TTC1: variants seen among roughly 807,000 people sequenced by gnomAD.
The protein encoded by TTC1 is tetratricopeptide repeat domain 1, also known as tetratricopeptide repeat protein 1.
TTC1 carries 31 observed loss-of-function variants against 37.6 expected under a neutral mutation model. That is an observed-to-expected ratio of 0.82 (90% CI 0.62 to 1.11). The LOEUF (loss-of-function observed/expected upper bound fraction) is 1.11. Ranked by LOEUF, TTC1 falls within the 50% of genes most tolerant of loss-of-function variation. The pLI, the probability that TTC1 is intolerant of heterozygous loss-of-function variation, is 0.00. For synonymous variants in TTC1, 127 were observed against 122.4 expected (o/e 1.04, Z -0.25); for missense variants, 351 against 339.0 (o/e 1.04, Z -0.28).
chr5:160,054,765 T>C (rs771725248), intron 7 of TTC1, among the ~76,000 whole-genome samples: 3 of 152,224 alleles, frequency 2.0e-5, no homozygotes, highest in Non-Finnish European at 4.4e-5. Flanking sequence ...TCAGGTTTCA[T>C]ATGGCAGACA....
At chr5:160,034,494 C>G (rs1756969958) in intron 2 of TTC1, among the ~76,000 whole-genome samples, 1 of 152,114 alleles carries the variant, frequency 6.6e-6, no homozygotes, top group African/African-American at 2.4e-5. Context: ...TGGCTTGTAC[C>G]CACAAATGTG....
intron 2 of TTC1, among the ~76,000 whole-genome samples, chr5:160,013,657 C>T (rs988255601): frequency 9.9e-5 from 15 of 151,056 alleles, no homozygotes; most frequent in Non-Finnish European, 1.9e-4. Flanking sequence ...GCAGGAGAAT[C>T]GCTTGAACCT....
chr5:160,027,650 A>C (rs988844823), intron 2 of TTC1, among the ~76,000 whole-genome samples: 1 of 152,196 alleles, frequency 6.6e-6, no homozygotes, highest in South Asian at 2.1e-4. Context: ...TATATTTGTG[A>C]GGCAGGTTTC....
chr5:160,015,020 G>A (rs1431934586), intron 2 of TTC1, among the ~76,000 whole-genome samples: 1 of 152,082 alleles, frequency 6.6e-6, no homozygotes, highest in Non-Finnish European at 1.5e-5. Flanking sequence ...TACCCCTTTT[G>A]ATAACACCTG....
chr5:160,009,472 A>T lies in TTC1; in HGVS notation c.-30+279A>T, dbSNP rs188632266. Among the ~76,000 whole-genome samples, 860 of 152,230 alleles carry T rather than the reference A, an allele frequency of 5.6e-3. 6 individuals carry two copies. The highest frequency in any genetic ancestry group is 8.9e-3 in the Non-Finnish European group (603 of 68,026). On this transcript the variant is annotated intron_variant, in intron 1 of 7. Coordinates refer to ENST00000231238, the MANE Select transcript of TTC1 (RefSeq NM_003314.3). ...GTTGGCGTGATTTTGCTGCGACTAG[A>T]GCAATTTACGTTCTTGCAAATCTGT... is the stretch of plus-strand genomic sequence containing the variant.
At chr5:160,013,041 T>C (rs1756528251) in intron 2 of TTC1, among the ~76,000 whole-genome samples, 1 of 152,226 alleles carries the variant, frequency 6.6e-6, no homozygotes. Flanking sequence ...TATTTTCTAT[T>C]CATTTATATA....
intron 4 of TTC1, 95 bp from the exon 5 acceptor site, chr5:160,043,038 A>G (rs1757128227): frequency 7.9e-7 from 1 of 1,268,890 alleles, no homozygotes; most frequent in Non-Finnish European, 1.1e-6. Context: ...CTGTATCTCC[A>G]TAAGCAGTTA....
chr5:160,029,202 T>TA (rs1756862824), intron 2 of TTC1, among the ~76,000 whole-genome samples: 2 of 152,304 alleles, frequency 1.3e-5, no homozygotes, highest in East Asian at 1.9e-4. Context: ...TTGTATGTGT[T>TA]CTTTTGACTC....
intron 4 of TTC1, among the ~76,000 whole-genome samples, chr5:160,042,204 A>G (rs1270682069): frequency 6.6e-6 from 1 of 152,252 alleles, no homozygotes; most frequent in African/African-American, 2.4e-5. Flanking sequence ...TGCTGGGATT[A>G]CAGGCATGAG....
intron 2 of TTC1, among the ~76,000 whole-genome samples, chr5:160,012,365 A>T (rs1358848590): frequency 6.6e-6 from 1 of 150,978 alleles, no homozygotes; most frequent in Admixed American, 6.6e-5. Flanking sequence ...AAATACTTTT[A>T]TGATTTTTTT....
chr5:160,061,341 T>C (rs1753389991), intron 7 of TTC1, among the ~76,000 whole-genome samples: 1 of 152,244 alleles, frequency 6.6e-6, no homozygotes, highest in Admixed American at 6.5e-5. Flanking sequence ...AAAGGAATCT[T>C]CCCCTTCCTG....
At chr5:160,045,502 ACACACACACACATACACACTCT>A (rs1757201029) in intron 5 of TTC1, among the ~76,000 whole-genome samples, 3 of 99,232 alleles carry the variant, frequency 3.0e-5, no homozygotes, top group Admixed American at 1.4e-4. Flanking sequence ...ACACACACAC[ACACACACACACATACACACTCT>A]CTCTCTCTCT....
chr5:160,039,092 C>T (rs1301578199), intron 4 of TTC1: 1 of 152,156 alleles, frequency 6.6e-6, no homozygotes, highest in Non-Finnish European at 1.5e-5. Flanking sequence ...GGTTTAACTG[C>T]TTTAAGAGGT....
chr5:160,011,364 A>G (rs559888493), intron 2 of TTC1, among the ~76,000 whole-genome samples: 14 of 152,280 alleles, frequency 9.2e-5, no homozygotes, highest in South Asian at 8.3e-4. Context: ...ATAGCTAGCT[A>G]TCCTTTGTTG....
chr5:160,023,705 T>C, intron 2 of TTC1: 1 of 1,573,292 alleles, frequency 6.4e-7, no homozygotes. Context: ...ATGTCACATG[T>C]TGCCTAATCT....
chr5:160,047,536 G>A (rs1475380801), intron 5 of TTC1, among the ~76,000 whole-genome samples: 1 of 152,150 alleles, frequency 6.6e-6, no homozygotes, highest in Non-Finnish European at 1.5e-5. Flanking sequence ...ACAGCTTTCA[G>A]TCTTGCCCCA....
intron 2 of TTC1, chr5:160,024,033 A>G: frequency 7.4e-7 from 1 of 1,344,536 alleles, no homozygotes; most frequent in African/African-American, 1.4e-5. Context: ...CACTTCTTGC[A>G]GGTAGTGTTC....
chr5:160,045,454 C>CACA (rs1757191406), intron 5 of TTC1, among the ~76,000 whole-genome samples: 5 of 38,874 alleles, frequency 1.3e-4, no homozygotes, highest in Non-Finnish European at 1.9e-4. Flanking sequence ...CCCCCACCCT[C>CACA]CACACACACA....
At chr5:160,016,655 T>C (rs1174763219) in intron 2 of TTC1, among the ~76,000 whole-genome samples, 1 of 152,182 alleles carries the variant, frequency 6.6e-6, no homozygotes, top group Non-Finnish European at 1.5e-5. Context: ...TCAGTAAGCC[T>C]GTATTACATT....
Sources: allele counts gnomAD v4.1 joint callset (sites outside exome capture counted in the v4.1 genomes callset), GRCh38; gene constraint gnomAD v4.1.1; transcripts MANE v1.5; gene names NCBI Gene and HGNC (gene_info 2026-07-23, HGNC 2026-07-21).